Variants in PLIN4 observed in about 807,000 individuals in gnomAD.
PLIN4 encodes perilipin 4, also known as perilipin-4.
Under a neutral mutation model 52.4 loss-of-function variants are expected in PLIN4, and 57 were observed. The observed-to-expected ratio is 1.09, with a 90% CI of 0.88 to 1.36. PLIN4 has a LOEUF of 1.36. Among genes scored for constraint, PLIN4 ranks in the 40% most tolerant of loss-of-function variants. The pLI, the probability that PLIN4 is intolerant of heterozygous loss-of-function variation, is 0.00. For missense variants in PLIN4, 1,757 were observed against 1,770.3 expected (o/e 0.99, Z 0.13); for synonymous variants, 826 against 785.4 (o/e 1.05, Z -0.86).
Position 4,504,868 on chromosome 19 carries a change from A to G in PLIN4, c.3782T>C (p.Val1261Ala). 1 of 1,606,308 alleles carries G rather than the reference A, an allele frequency of 6.2e-7. No homozygotes were observed. Among genetic ancestry groups the G allele is most frequent in the Non-Finnish European group, 8.5e-7 (1 of 1,177,246 alleles). ...GSGASAEDAA[V>A]QEERDAGVLS... ...GCCCTGTGCCAGACCCACCTCCTGG[A>G]CAGCAGCGTCCTCCGCACTGGCACC... The change falls in exon 7 of 8, where the codon GTC becomes GCC. Residue 1261 changes from valine to alanine, a missense_variant. Coordinates refer to ENST00000301286, the MANE Select transcript of PLIN4 (RefSeq NM_001367868.2).
At position 4,516,673 on chromosome 19, in the gene PLIN4, C is replaced by A. The variant is rs1242612283; in HGVS notation, c.202G>T (p.Ala68Ser). 6.3e-7 allele frequency: 1 copy of A among 1,595,540 alleles called. No homozygotes were observed. The highest frequency in any genetic ancestry group is 1.3e-5 in the African/African-American group (1 of 74,540). ...EAAQPQAQVAAHPEQTAPWTE... is the reference protein window; with the variant it reads ...EAAQPQAQVASHPEQTAPWTE... The stretch of plus-strand genomic sequence containing the variant: ...CATGGGGCCGTCTGCTCTGGGTGGG[C>A]AGCCACTGTGGGGACAGGGGCCGGT... Residue 68 changes from alanine (A) to serine (S), a missense_variant, in exon 4 of 8, where the codon GCC (alanine) becomes TCC (serine). Coordinates refer to ENST00000301286, the MANE Select transcript of PLIN4 (RefSeq NM_001367868.2).
chr19:4,505,848 G>T (rs547567759), intron 6 of PLIN4, among the ~76,000 whole-genome samples: 22 of 152,156 alleles, frequency 1.4e-4, no homozygotes, highest in African/African-American at 5.1e-4. Flanking sequence ...CCAAGGCCAG[G>T]CTCCTAATAT....
rs144274416 is a variant in PLIN4, at chr19:4,505,400, G to A, written c.3703-453C>T. 8.7e-4 allele frequency among the ~76,000 whole-genome samples: 132 copies of A among 152,212 alleles called. 1 individual carries two copies. The East Asian group carries it at 0.019, about 22-fold the overall frequency. On this transcript the variant is annotated intron_variant, in intron 6 of 7. Transcript: ENST00000301286. ...CTTTGCACACACTGCCCACTCAGCCGGGAGCCTGCTTCCCGGGCCCTTCAC... is the reference window on the plus strand; with the variant it reads ...CTTTGCACACACTGCCCACTCAGCCAGGAGCCTGCTTCCCGGGCCCTTCAC...
In PLIN4 at chr19:4,512,834, C is replaced by T. The variant is rs199847540; in HGVS notation, c.1126G>A (p.Gly376Ser). The change falls in exon 5 of 8, where the codon GGT (glycine) becomes AGT (serine). Residue 376 changes from glycine (G) to serine (S), a missense_variant. By Grantham distance (56) the Gly-to-Ser change is moderately conservative. Around this residue, in one of 7 missense-constraint regions of PLIN4, gnomAD observed 99 missense variants for 143.4 expected, o/e 0.69. Transcript: ENST00000301286. ...GCCTCTTTGGCCAAGTTCACGGCAC[C>T]GGTCACCCCACTGCAGACAGTGTTC... Reference protein sequence around the residue: ...TKNTVCSGVTGAVNLAKEAIQ... With the variant: ...TKNTVCSGVTSAVNLAKEAIQ... 2.8e-5 allele frequency: 44 copies of T among 1,563,626 alleles called. 7 individuals are homozygous for T. The Admixed American group carries it at 3.9e-4, about 14-fold the overall frequency.
At chr19:4,515,506 T>G (rs889769883) in intron 4 of PLIN4, among the ~76,000 whole-genome samples, 1 of 152,148 alleles carries the variant, frequency 6.6e-6, no homozygotes, top group Non-Finnish European at 1.5e-5. Flanking sequence ...TGAGCTCAAC[T>G]GATCTGCCTG....
In PLIN4 at chr19:4,511,017, G is replaced by T. The variant is rs533249881; in HGVS notation, c.2943C>A (p.Thr981=). The stretch of plus-strand genomic sequence containing the variant: ...GCACAGCCTTGGAGGCGTCCACGCC[G>T]GTCTGCACGGTTCCTTTGGCCACAT... ...AVNVAKGTVQ[T]GVDASKAVLM... Residue 981 remains threonine, a synonymous_variant, in exon 5 of 8, where the codon ACC becomes ACA. Coordinates refer to ENST00000301286, the MANE Select transcript of PLIN4 (RefSeq NM_001367868.2). 1.2e-6 allele frequency: 2 copies of T among 1,613,272 alleles called. No homozygotes were observed. Among genetic ancestry groups the T allele is most frequent in the African/African-American group, 2.7e-5 (2 of 74,992 alleles).
intron 4 of PLIN4, among the ~76,000 whole-genome samples, chr19:4,514,361 T>C (rs971341172): frequency 6.6e-5 from 10 of 152,064 alleles, no homozygotes; most frequent in Non-Finnish European, 1.0e-4. Context: ...GGTGGGAGGA[T>C]TGCTTGAGCC....
chr19:4,510,669 A>G lies in PLIN4; in HGVS notation c.3291T>C (p.Asp1097=), dbSNP rs1976270139. 6.6e-7 allele frequency: 1 copy of G among 1,520,188 alleles called. No homozygotes were observed. Among genetic ancestry groups the G allele is most frequent in the Non-Finnish European group, 8.8e-7 (1 of 1,137,548 alleles). 94.2% of individuals were successfully genotyped at this position (1,520,188 alleles called of 1,614,324 possible). The change falls in exon 5 of 8, where the codon GAT becomes GAC. Residue 1097 remains aspartate (D), a synonymous_variant. Transcript: ENST00000301286. ...APFSGISTPP[D]VLSVGPEPAW... ...CAGGCTCCGGGCCTACACTGAGCACATCCGGGGGCGTGGAGATGCCAGAGA... is the reference window on the plus strand; with the variant it reads ...CAGGCTCCGGGCCTACACTGAGCACGTCCGGGGGCGTGGAGATGCCAGAGA...
rs766123535 is a variant in PLIN4 at position 4,503,003 on chromosome 19, G to T, written c.*1456C>A. 2 of 152,256 alleles carry T rather than the reference G, an allele frequency of 1.3e-5. No individual in the cohort carries two copies. The highest frequency in any genetic ancestry group is 2.9e-5 in the Non-Finnish European group (2 of 68,112). The allele number at this position is 152,256 out of a possible 1,614,324, so 9.4% of individuals were successfully genotyped here. A position where few individuals can be genotyped will look rare whatever the true frequency, so the allele number is the denominator to read the frequency against. On this transcript the variant is annotated 3_prime_UTR_variant, in exon 8 of 8. Coordinates refer to ENST00000301286, the MANE Select transcript of PLIN4 (RefSeq NM_001367868.2). Reference sequence around the variant, plus strand: ...GGCTGTGTCTGGCATCCTAGCCTCCGATGGCCATGGGTGTCGGGCTGAGGA... The same window carrying T: ...GGCTGTGTCTGGCATCCTAGCCTCCTATGGCCATGGGTGTCGGGCTGAGGA...
chr19:4,504,079 T>A lies in PLIN4; in HGVS notation c.*380A>T. Reference sequence around the variant, plus strand: ...GCAGGACTGGAAGAGCCCTGCTAGATATAAAAGGGTTGCTAGCGGGGCAAA... The same window carrying A: ...GCAGGACTGGAAGAGCCCTGCTAGAAATAAAAGGGTTGCTAGCGGGGCAAA... On this transcript the variant is annotated 3_prime_UTR_variant, in exon 8 of 8. Coordinates refer to ENST00000301286, the MANE Select transcript of PLIN4 (RefSeq NM_001367868.2). 1 of 187,622 alleles carries A rather than the reference T, an allele frequency of 5.3e-6. No individual in the cohort carries two copies. The highest frequency in any genetic ancestry group is 1.1e-5 in the Non-Finnish European group (1 of 91,754). The allele number at this position is 187,622 out of a possible 1,614,324, so 11.6% of individuals were successfully genotyped here. A position where few individuals can be genotyped will look rare whatever the true frequency, so the allele number is the denominator to read the frequency against.
At position 4,510,971 on chromosome 19, in the gene PLIN4, CAG is replaced by C; in HGVS notation, c.2987_2988del (p.Thr996SerfsTer62). On this transcript the variant is annotated frameshift_variant, in exon 5 of 8. Coordinates refer to ENST00000301286, the MANE Select transcript of PLIN4 (RefSeq NM_001367868.2). LOFTEE classifies it high-confidence loss of function. ...SKAVLMGTKD[T>X]VFSGVTGAMS... ...ATGGCACCGGTAACCCCACTGAAGA[CAG>C]TGTCCTTGGTACCCATAAGCACAGC... 1 of 1,613,068 alleles carries C rather than the reference CAG, an allele frequency of 6.2e-7. No homozygotes were observed. Among genetic ancestry groups the C allele is most frequent in the Non-Finnish European group, 8.5e-7 (1 of 1,179,746 alleles).
At chr19:4,515,308 C>T (rs1258689521) in intron 4 of PLIN4, among the ~76,000 whole-genome samples, 6 of 151,924 alleles carry the variant, frequency 3.9e-5, no homozygotes, top group African/African-American at 1.4e-4. Context: ...CTCACTCTGT[C>T]ACCCAGACTG....
chr19:4,510,324 C>T, intron 5 of PLIN4, 122 bp downstream of exon 5: 1 of 1,116,946 alleles, frequency 9.0e-7, no homozygotes, highest in Non-Finnish European at 1.1e-6. Flanking sequence ...CGAGATCACG[C>T]CACTGCACTC....
chr19:4,512,637 A>T lies in PLIN4; in HGVS notation c.1323T>A (p.Thr441=). The T allele has an allele frequency of 6.6e-7, 1 of 1,523,164 alleles. No individual in the cohort carries two copies. The allele number at this position is 1,523,164 out of a possible 1,614,324, so 94.4% of individuals were successfully genotyped here. The change falls in exon 5 of 8, where the codon ACT becomes ACA. Residue 441 remains threonine, a synonymous_variant. Transcript: ENST00000301286. Reference sequence around the variant, plus strand: ...TTCCTCTGGCCAAATTCATGGCACCAGTCACCCCACTGCAGACGGTGTCCT... The same window carrying T: ...TTCCTCTGGCCAAATTCATGGCACCTGTCACCCCACTGCAGACGGTGTCCT... ...GTKDTVCSGV[T]GAMNLARGTI...
Position 4,513,606 on chromosome 19 carries a change from C to T in PLIN4, c.354G>A (p.Lys118=), listed in dbSNP as rs987645260. Residue 118 remains lysine (K), a synonymous_variant, in exon 5 of 8, where the codon AAG becomes AAA. Transcript: ENST00000301286. ...TGTCCAGGCCTCCCTGGACCACTCC[C>T]TTAGCCACGTCCACCACGCTGGCCA... is the stretch of plus-strand genomic sequence containing the variant. ...SGVASVVDVA[K]GVVQGGLDTT... is the part of the protein sequence containing the mutation. 3.7e-6 allele frequency: 6 copies of T among 1,606,868 alleles called. No individual in the cohort carries two copies. Among genetic ancestry groups the T allele is most frequent in the Non-Finnish European group, 5.1e-6 (6 of 1,177,082 alleles).
chr19:4,510,365 C>CA (rs796181751), intron 5 of PLIN4, 81 bp downstream of exon 5: 172,986 of 815,150 alleles, frequency 0.21, 530 homozygotes, highest in Non-Finnish European at 0.22. Flanking sequence ...GACTCTGTCT[C>CA]AAAAAAAAAA....
chr19:4,512,854 G>A lies in PLIN4; in HGVS notation c.1106C>T (p.Thr369Ile). Residue 369 changes from threonine to isoleucine, a missense_variant, in exon 5 of 8, where the codon ACT (threonine) becomes ATT (isoleucine). Transcript: ENST00000301286. ...TKTVLTGTKN[T>I]VCSGVTGAVN... ...GGCACCGGTCACCCCACTGCAGACA[G>A]TGTTCTTGGTGCCAGTTAGGACAGT... The A allele has an allele frequency of 6.4e-7, 1 of 1,563,334 alleles. No homozygotes were observed. Among genetic ancestry groups the A allele is most frequent in the Middle Eastern group, 1.7e-4 (1 of 5,886 alleles).
At position 4,510,491 on chromosome 19, in the gene PLIN4, C is replaced by G; in HGVS notation, c.3469G>C (p.Glu1157Gln). The change falls in exon 5 of 8, where the codon GAG becomes CAG. Residue 1157 changes from glutamate (E) to glutamine (Q), a missense_variant. By Grantham distance (29) the Glu-to-Gln change is conservative. Coordinates refer to ENST00000301286, the MANE Select transcript of PLIN4 (RefSeq NM_001367868.2). ...PRLAMLQNELEGLGDIFHPMN... is the reference protein window; with the variant it reads ...PRLAMLQNELQGLGDIFHPMN... ...GGGTGGAAGATGTCCCCCAGCCCCT[C>G]CAACTCATTCTGCAGCATTGCCAAG... 1 of 1,465,474 alleles carries G rather than the reference C, an allele frequency of 6.8e-7. No homozygotes were observed. 90.8% of individuals were successfully genotyped at this position (1,465,474 alleles called of 1,614,324 possible).
chr19:4,504,820 A>G, intron 7 of PLIN4, 35 bp from the exon 8 acceptor site: 1 of 1,604,154 alleles, frequency 6.2e-7, no homozygotes, highest in Non-Finnish European at 8.5e-7. Flanking sequence ...GTGGAGACCC[A>G]TGGGCGGGGT....
Sources: allele counts gnomAD v4.1 joint callset (sites outside exome capture counted in the v4.1 genomes callset), GRCh38; gene constraint gnomAD v4.1.1; regional missense constraint gnomAD v4.1.1; transcripts MANE v1.5; gene names NCBI Gene and HGNC (gene_info 2026-07-23, HGNC 2026-07-21).